The following MAP4 variants were observed in gnomAD, a reference collection of about 807,000 sequenced individuals.
MAP4 encodes microtubule-associated protein 4.
A neutral mutation model predicts 170.2 loss-of-function variants in MAP4; 76 were observed. The ratio of observed to expected loss-of-function variants is 0.45; its 90% CI spans 0.37 to 0.54. The LOEUF (loss-of-function observed/expected upper bound fraction) is 0.54, where lower values mean the gene tolerates loss of function less well. MAP4 is among the 20% of genes least tolerant of loss of function. The pLI is 0.00. For missense variants in MAP4, 2,506 were observed against 2,748.0 expected, an observed-to-expected ratio of 0.91 and a Z score of 1.97; for synonymous variants, 909 against 994.5, an observed-to-expected ratio of 0.91 and a Z score of 1.62.
chr3:47,869,261 T>C lies in MAP4; in HGVS notation c.6361A>G (p.Lys2121Glu). 2 of 1,614,220 alleles carry C rather than the reference T, an allele frequency of 1.2e-6. No individual in the cohort carries two copies. Among genetic ancestry groups the C allele is most frequent in the Non-Finnish European group, 1.7e-6 (2 of 1,180,032 alleles). Residue 2121 changes from lysine (K) to glutamate (E), a missense_variant, in exon 16 of 21, where the codon AAA becomes GAA. Lys to Glu is a moderately conservative substitution (Grantham distance 56). Coordinates refer to ENST00000683076, the MANE Select transcript of MAP4 (RefSeq NM_001385682.1). Reference sequence around the variant, plus strand: ...GCACTTGCAATTGGGCCGGCTGTTTTAGTGACTGCATTAGATTCAGGCTTT... The same window carrying C: ...GCACTTGCAATTGGGCCGGCTGTTTCAGTGACTGCATTAGATTCAGGCTTT... ...TRKPESNAVT[K>E]TAGPIASAQK...
chr3:48,088,348 G>C (rs1031488862), intron 1 of MAP4, among the ~76,000 whole-genome samples: 1 of 151,974 alleles, frequency 6.6e-6, no homozygotes, highest in Admixed American at 6.6e-5. Flanking sequence ...GCTCACCTCA[G>C]CCTCACATCA....
chr3:47,885,031 C>A (rs150144997), intron 10 of MAP4, among the ~76,000 whole-genome samples: 148 of 152,260 alleles, frequency 9.7e-4, no homozygotes, highest in Middle Eastern at 6.8e-3. Flanking sequence ...GCAGACTGAG[C>A]CCACTGCTGG....
chr3:47,870,705 C>A, intron 15 of MAP4, 108 bp downstream of exon 15: 1 of 1,176,948 alleles, frequency 8.5e-7, no homozygotes, highest in Non-Finnish European at 1.2e-6. Flanking sequence ...GATGCTGAGT[C>A]CAGTGTCCTG....
intron 3 of MAP4, among the ~76,000 whole-genome samples, chr3:47,938,416 G>A (rs1264503709): frequency 6.6e-6 from 1 of 152,130 alleles, no homozygotes; most frequent in Non-Finnish European, 1.5e-5. Flanking sequence ...AGGTCTGACT[G>A]TCTCCCAGGT....
intron 1 of MAP4, among the ~76,000 whole-genome samples, chr3:48,056,273 C>A (rs2100131464): frequency 5.1e-5 from 3 of 59,240 alleles, no homozygotes; most frequent in African/African-American, 1.3e-4. Flanking sequence ...GGGGGGTCAG[C>A]CCCCCGCCCG....
At chr3:47,983,180 C>T (rs1490382890) in intron 2 of MAP4, among the ~76,000 whole-genome samples, 1 of 152,114 alleles carries the variant, frequency 6.6e-6, no homozygotes, top group Non-Finnish European at 1.5e-5. Context: ...GATAGAATTA[C>T]AGGCATGAGC....
intron 1 of MAP4, among the ~76,000 whole-genome samples, chr3:48,038,434 C>T (rs1026813137): frequency 6.6e-6 from 1 of 151,358 alleles, no homozygotes; most frequent in South Asian, 2.1e-4. Flanking sequence ...CAATACTCAT[C>T]CATACTATGT....
intron 1 of MAP4, among the ~76,000 whole-genome samples, chr3:48,088,523 C>T (rs2100150595): frequency 6.6e-6 from 1 of 151,882 alleles, no homozygotes; most frequent in Non-Finnish European, 1.5e-5. Flanking sequence ...AAAGCTGGAC[C>T]TCTCAGCCCC....
chr3:47,904,310 CTAT>C (rs762967251), intron 9 of MAP4, among the ~76,000 whole-genome samples: 2 of 151,876 alleles, frequency 1.3e-5, no homozygotes, highest in Non-Finnish European at 1.5e-5. Context: ...GTGGTAGGTG[CTAT>C]TATTATTATT....
chr3:47,943,214 A>AT (rs1322560153), intron 3 of MAP4, among the ~76,000 whole-genome samples: 6 of 152,222 alleles, frequency 3.9e-5, no homozygotes, highest in Admixed American at 3.9e-4. Flanking sequence ...AGCCGACTCC[A>AT]TTTTTTATAA....
chr3:48,058,470 C>T lies in MAP4; in HGVS notation c.-20+30303G>A, dbSNP rs1056192598. On this transcript the variant is annotated intron_variant, in intron 1 of 18. Transcript: ENST00000360240. The stretch of plus-strand genomic sequence containing the variant: ...CTTACTCTACGTGTCCAAGTTTCAT[C>T]GGTATTTCTGATTTTCACTAGGTCT... 1.1e-4 allele frequency among the ~76,000 whole-genome samples: 16 copies of T among 152,292 alleles called. No individual in the cohort carries two copies. In the South Asian group the frequency reaches 2.5e-3, roughly 24 times the overall value.
Position 47,892,684 on chromosome 3 carries a change from G to A in MAP4, c.5434+10266C>T, listed in dbSNP as rs1261492032. 1.6e-5 allele frequency: 22 copies of A among 1,371,966 alleles called. No individual in the cohort carries two copies. The East Asian group carries it at 4.4e-4, about 27-fold the overall frequency. The allele number at this position is 1,371,966 out of a possible 1,614,324, so 85.0% of individuals were successfully genotyped here. On this transcript the variant is annotated intron_variant, in intron 10 of 20. Transcript: ENST00000683076. The stretch of plus-strand genomic sequence containing the variant: ...ACAAATGTGAAAGAAAGAAAGAAAG[G>A]AAGAATGAATGAAAGCGAAAGAAAG...
intron 10 of MAP4, chr3:47,891,341 G>T: frequency 6.5e-7 from 1 of 1,536,146 alleles, no homozygotes; most frequent in Non-Finnish European, 8.7e-7. Flanking sequence ...ACAGATGAAA[G>T]GAGGTATCTC....
chr3:47,965,509 C>T (rs945958948), intron 3 of MAP4, among the ~76,000 whole-genome samples: 1 of 152,158 alleles, frequency 6.6e-6, no homozygotes, highest in Non-Finnish European at 1.5e-5. Flanking sequence ...TTTTACATTC[C>T]TATCAGCAGT....
At chr3:47,974,785 C>T (rs1023561200) in intron 3 of MAP4, 7 of 965,168 alleles carry the variant, frequency 7.3e-6, no homozygotes, top group Middle Eastern at 5.3e-4. Flanking sequence ...AAATTTGGCC[C>T]AACTTGCAAA....
chr3:47,874,028 C>T (rs2094407495), intron 12 of MAP4, among the ~76,000 whole-genome samples: 1 of 152,206 alleles, frequency 6.6e-6, no homozygotes, highest in African/African-American at 2.4e-5. Context: ...AATCTTTCTA[C>T]CAAAATAAGC....
At chr3:48,018,142 C>G (rs111755538), upstream of MAP4, among the ~76,000 whole-genome samples, 1 of 152,200 alleles carries the variant, frequency 6.6e-6, no homozygotes, top group Middle Eastern at 3.2e-3. Context: ...CACCTCCTGC[C>G]GTGCAGCCCA....
chr3:47,997,925 G>A (rs964833663), intron 2 of MAP4, among the ~76,000 whole-genome samples: 1 of 152,192 alleles, frequency 6.6e-6, no homozygotes, highest in African/African-American at 2.4e-5. Context: ...ATCTCTGAAA[G>A]AAACTAAATT....
At chr3:47,953,543 C>G (rs564777931) in intron 3 of MAP4, among the ~76,000 whole-genome samples, 1 of 152,088 alleles carries the variant, frequency 6.6e-6, no homozygotes, top group African/African-American at 2.4e-5. Context: ...ATAAAACTTT[C>G]TTTAAAAAAG....
Sources: allele counts gnomAD v4.1 joint callset (sites outside exome capture counted in the v4.1 genomes callset), GRCh38; gene constraint gnomAD v4.1.1; transcripts MANE v1.5; gene names NCBI Gene and HGNC (gene_info 2026-07-23, HGNC 2026-07-21).